The following RNFT2 variants were observed in gnomAD, a reference collection of about 807,000 sequenced individuals.
RNFT2 encodes the protein E3 ubiquitin-protein ligase RNFT2.
RNFT2 carries 36 observed loss-of-function variants against 53.0 expected under a neutral mutation model. The ratio of observed to expected loss-of-function variants is 0.68; its 90% CI spans 0.52 to 0.90. The LOEUF is 0.90. Among genes scored for constraint, RNFT2 ranks in the 40% least tolerant of loss-of-function variants. RNFT2 has a pLI of 0.00. For synonymous variants in RNFT2, 260 were observed against 253.2 expected (o/e 1.03, Z -0.26); for missense variants, 514 against 585.6 (o/e 0.88, Z 1.26).
chr12:116,765,717 G>A (rs1872885656), intron 5 of RNFT2, among the ~76,000 whole-genome samples: 2 of 152,162 alleles, frequency 1.3e-5, no homozygotes. Context: ...TCTTCCTGGG[G>A]ACTAGACAGG....
intron 5 of RNFT2, among the ~76,000 whole-genome samples, chr12:116,762,941 G>T (rs1566073711): frequency 6.6e-6 from 1 of 152,084 alleles, no homozygotes; most frequent in African/African-American, 2.4e-5. Flanking sequence ...AGTTAGCCAG[G>T]TGTGGGGGCA....
chr12:116,820,392 A>G (rs1250932529), intron 7 of RNFT2, among the ~76,000 whole-genome samples: 2 of 152,108 alleles, frequency 1.3e-5, no homozygotes, highest in Non-Finnish European at 2.9e-5. Context: ...ATCCCTGTGT[A>G]TTTTAGACTT....
At chr12:116,842,964 C>T (rs1303399126) in intron 10 of RNFT2, among the ~76,000 whole-genome samples, 1 of 152,162 alleles carries the variant, frequency 6.6e-6, no homozygotes, top group African/African-American at 2.4e-5. Context: ...TGGCTGCTTC[C>T]TGCTTTCTCG....
chr12:116,753,124 TTTTTCTTTTTCTTTTTTCTTTTTC>T (rs1872325031), intron 4 of RNFT2, among the ~76,000 whole-genome samples: 1 of 146,294 alleles, frequency 6.8e-6, no homozygotes, highest in Non-Finnish European at 1.5e-5. Flanking sequence ...CGTTGTAAGT[TTTTTCTTTTTCTTTTTTCTTTTTC>T]TTTTTTTTTT....
At chr12:116,767,326 C>T (rs1022970165) in intron 6 of RNFT2, among the ~76,000 whole-genome samples, 10 of 151,854 alleles carry the variant, frequency 6.6e-5, no homozygotes, top group Admixed American at 2.0e-4. Flanking sequence ...TCAGGTGATC[C>T]TCCCACCTCA....
At chr12:116,802,564 A>G (rs911878941) in intron 7 of RNFT2, among the ~76,000 whole-genome samples, 5 of 152,212 alleles carry the variant, frequency 3.3e-5, no homozygotes, top group African/African-American at 1.2e-4. Context: ...GGGGGCAGAC[A>G]TTGGGAATGA....
At chr12:116,767,383 T>A (rs1376020721) in intron 6 of RNFT2, among the ~76,000 whole-genome samples, 1 of 151,856 alleles carries the variant, frequency 6.6e-6, no homozygotes, top group Non-Finnish European at 1.5e-5. Flanking sequence ...CACACCTGGC[T>A]AATTTTTACA....
chr12:116,781,393 T>A (rs2137119307), intron 7 of RNFT2, among the ~76,000 whole-genome samples: 1 of 152,276 alleles, frequency 6.6e-6, no homozygotes, highest in Admixed American at 6.5e-5. Flanking sequence ...TCCCCCAGCA[T>A]GTTAGTCTCC....
intron 10 of RNFT2, among the ~76,000 whole-genome samples, chr12:116,845,787 C>T (rs77833795): frequency 0.027 from 4,171 of 152,160 alleles, 198 homozygotes; most frequent in African/African-American, 0.095. Flanking sequence ...GTGGACTTCT[C>T]TCCTTTCCCC....
rs139947917 is a variant in RNFT2 at position 116,851,794 on chromosome 12, GGAAA to G, written c.*2356_*2359del. ...AGGGAGGGAGGAAGGAAGGAAGGAA[GGAAA>G]GAAAGAAAGGTCAGCTTTGGCCCAG... On this transcript the variant is annotated 3_prime_UTR_variant, in exon 11 of 11. Coordinates refer to ENST00000257575, the MANE Select transcript of RNFT2 (RefSeq NM_001382266.1). The G allele has an allele frequency of 0.16, 144,909 of 894,536 alleles. 13,911 individuals are homozygous for G. The highest frequency in any genetic ancestry group is 0.36 in the East Asian group (13,649 of 37,994). 55.4% of individuals were successfully genotyped at this position (894,536 alleles called of 1,614,324 possible). A position where few individuals can be genotyped will look rare whatever the true frequency, so the allele number is the denominator to read the frequency against.
intron 7 of RNFT2, among the ~76,000 whole-genome samples, chr12:116,829,005 G>GAA (rs369994475): frequency 1.4e-5 from 2 of 143,606 alleles, no homozygotes; most frequent in African/African-American, 5.1e-5. Flanking sequence ...GTTTTAAGTG[G>GAA]AAAAAAAAAA....
At chr12:116,820,073 C>T (rs774579079) in intron 7 of RNFT2, among the ~76,000 whole-genome samples, 1 of 151,998 alleles carries the variant, frequency 6.6e-6, no homozygotes, top group Non-Finnish European at 1.5e-5. Flanking sequence ...GTTTCTTTTG[C>T]TTTTAAGGGA....
intron 7 of RNFT2, among the ~76,000 whole-genome samples, chr12:116,805,937 C>T (rs1361658570): frequency 2.6e-5 from 4 of 152,282 alleles, no homozygotes; most frequent in South Asian, 4.1e-4. Context: ...TACAAAATGC[C>T]ATCACAGCAA....
intron 7 of RNFT2, among the ~76,000 whole-genome samples, chr12:116,822,700 G>A (rs1385575558): frequency 6.0e-5 from 9 of 151,022 alleles, no homozygotes; most frequent in Admixed American, 5.2e-4. Flanking sequence ...GGGAAGAAGA[G>A]GAGAGATAGA....
chr12:116,831,808 C>T (rs1876665766), intron 7 of RNFT2, among the ~76,000 whole-genome samples: 1 of 151,770 alleles, frequency 6.6e-6, no homozygotes, highest in Admixed American at 6.6e-5. Context: ...CCATGTATCC[C>T]CCATCCCAAT....
chr12:116,779,191 C>A lies in RNFT2; in HGVS notation c.729-4C>A, dbSNP rs764211506. On this transcript the variant is annotated splice_polypyrimidine_tract_variant and splice_region_variant and intron_variant, in intron 6 of 10. Coordinates refer to ENST00000257575, the MANE Select transcript of RNFT2 (RefSeq NM_001382266.1). ...CCTTCTGACTCTCTCAATCCTCCCC[C>A]CAGCCTCATATTCCTGAAGCCCAAC... is the stretch of plus-strand genomic sequence containing the variant. 1 of 1,614,000 alleles carries A rather than the reference C, an allele frequency of 6.2e-7. No homozygotes were observed.
At chr12:116,840,561 T>G (rs540374693) in intron 10 of RNFT2, among the ~76,000 whole-genome samples, 1 of 152,358 alleles carries the variant, frequency 6.6e-6, no homozygotes, top group African/African-American at 2.4e-5. Context: ...TCGGAATGAA[T>G]GAATGGCTAA....
chr12:116,806,407 T>TAGAC (rs1397300406), intron 7 of RNFT2, among the ~76,000 whole-genome samples: 7 of 149,728 alleles, frequency 4.7e-5, no homozygotes, highest in African/African-American at 1.7e-4. Context: ...TATAGATAGA[T>TAGAC]AGATAGATAG....
chr12:116,822,236 C>G (rs1372197652), intron 7 of RNFT2, among the ~76,000 whole-genome samples: 1 of 152,060 alleles, frequency 6.6e-6, no homozygotes, highest in Admixed American at 6.5e-5. Flanking sequence ...CAGGACTGAC[C>G]AATCATAGAA....
Sources: allele counts gnomAD v4.1 joint callset (sites outside exome capture counted in the v4.1 genomes callset), GRCh38; gene constraint gnomAD v4.1.1; transcripts MANE v1.5; gene names NCBI Gene and HGNC (gene_info 2026-07-23, HGNC 2026-07-21).